The following NKAIN4 variants were observed in gnomAD, a reference collection of about 807,000 sequenced individuals.
NKAIN4 encodes the protein sodium/potassium transporting ATPase interacting 4, also known as sodium/potassium-transporting ATPase subunit beta-1-interacting protein 4.
In NKAIN4, 28 loss-of-function variants were observed where a neutral mutation model predicts 28.8. The ratio of observed to expected loss-of-function variants is 0.97; its 90% CI spans 0.72 to 1.33. NKAIN4 has a LOEUF of 1.33. Among genes scored for constraint, NKAIN4 ranks in the 40% most tolerant of loss-of-function variants. NKAIN4 has a pLI of 0.00. For missense variants in NKAIN4, 289 were observed against 277.2 expected, an observed-to-expected ratio of 1.04 and a Z score of -0.30; for synonymous variants, 122 against 115.6, an observed-to-expected ratio of 1.06 and a Z score of -0.36.
chr20:63,241,861 G>C (rs1481566491), intron 6 of NKAIN4: 7 of 418,972 alleles, frequency 1.7e-5, no homozygotes, highest in Admixed American at 7.0e-5. Context: ...CTCTGACATG[G>C]GAGCTGGGCT....
intron 1 of NKAIN4, chr20:63,253,324 C>G: frequency 3.0e-6 from 3 of 985,376 alleles, no homozygotes; most frequent in Non-Finnish European, 3.6e-6. Flanking sequence ...AGGAAAGCGC[C>G]GGAAGCTCCT....
chr20:63,248,565 G>A (rs1358400870), intron 3 of NKAIN4: 1 of 464,928 alleles, frequency 2.2e-6, no homozygotes, highest in Non-Finnish European at 4.0e-6. Flanking sequence ...CTCTTCCCCA[G>A]CTGGAGCCCC....
chr20:63,241,864 G>A (rs2066758139), intron 6 of NKAIN4: 2 of 416,000 alleles, frequency 4.8e-6, no homozygotes, highest in East Asian at 1.2e-4. Flanking sequence ...TGACATGGGA[G>A]CTGGGCTCCT....
Position 63,241,075 on chromosome 20 carries a change from C to A in NKAIN4, c.*422G>T. On this transcript the variant is annotated 3_prime_UTR_variant, in exon 7 of 7. Coordinates refer to ENST00000370316, the MANE Select transcript of NKAIN4 (RefSeq NM_152864.4). ...ACCGCTTGAGGGGTCTCGGGCCTCACATTGACTTCCTGGGGAGGCTGCATC... is the reference window on the plus strand; with the variant it reads ...ACCGCTTGAGGGGTCTCGGGCCTCAAATTGACTTCCTGGGGAGGCTGCATC... 1 of 208,020 alleles carries A rather than the reference C, an allele frequency of 4.8e-6. No individual in the cohort carries two copies. The highest frequency in any genetic ancestry group is 7.0e-5 in the South Asian group (1 of 14,276). The allele number at this position is 208,020 out of a possible 1,614,324, so 12.9% of individuals were successfully genotyped here.
rs2123050258 is a variant in NKAIN4 at position 63,242,545 on chromosome 20, A to G, written c.611T>C (p.Val204Ala). Reference sequence around the variant, plus strand: ...TTCTGCCAGCCATACTTACAAGTACACCTGCTTGGACAAGAGACTGGATGG... The same window carrying G: ...TTCTGCCAGCCATACTTACAAGTACGCCTGCTTGGACAAGAGACTGGATGG... ...EKPSSLLSKQ[V>A]YLPA Residue 204 changes from valine (V) to alanine (A), a missense_variant, in exon 6 of 7, where the codon GTG becomes GCG. Transcript: ENST00000370316. 1 of 1,611,174 alleles carries G rather than the reference A, an allele frequency of 6.2e-7. No individual in the cohort carries two copies.
chr20:63,253,383 C>T (rs949819648), intron 1 of NKAIN4: 21 of 985,278 alleles, frequency 2.1e-5, no homozygotes, highest in Non-Finnish European at 2.0e-5. Context: ...TAGGTCCGCC[C>T]GCAAGCCTGT....
chr20:63,254,150 C>T (rs1432110531), intron 1 of NKAIN4: 2 of 427,554 alleles, frequency 4.7e-6, no homozygotes, highest in South Asian at 3.5e-5. Flanking sequence ...CTGTCCCCGC[C>T]GCTCCGGACC....
At chr20:63,251,519 C>T (rs879706267) in intron 1 of NKAIN4, among the ~76,000 whole-genome samples, 1 of 152,178 alleles carries the variant, frequency 6.6e-6, no homozygotes, top group Non-Finnish European at 1.5e-5. Flanking sequence ...TGGCAACGGG[C>T]GTCTTCCCAG....
rs2066979016 is a variant in NKAIN4 at position 63,252,495 on chromosome 20, C to T, written c.54+1902G>A. 6.6e-6 allele frequency among the ~76,000 whole-genome samples: 1 copy of T among 152,130 alleles called. No individual in the cohort carries two copies. The highest frequency in any genetic ancestry group is 1.5e-5 in the Non-Finnish European group (1 of 67,998). ...AAAAGGGGCTATCCAACAACCCCGC[C>T]CTTCCTCCCGGGCCCCCTACCCCCA... On this transcript the variant is annotated intron_variant, in intron 1 of 6. Coordinates refer to ENST00000370316, the MANE Select transcript of NKAIN4 (RefSeq NM_152864.4). This position sits in a 1 kb window ranked among gnomAD's most constrained non-coding sequence, Gnocchi z 4.6.
chr20:63,247,217 G>A, intron 4 of NKAIN4: 1 of 1,192,886 alleles, frequency 8.4e-7, no homozygotes, highest in Non-Finnish European at 1.1e-6. Flanking sequence ...GACACGCATG[G>A]ATGGGTTTGT....
chr20:63,248,887 C>A lies in NKAIN4; in HGVS notation c.201G>T (p.Leu67=). 6.2e-7 allele frequency: 1 copy of A among 1,611,954 alleles called. No homozygotes were observed. The highest frequency in any genetic ancestry group is 8.5e-7 in the Non-Finnish European group (1 of 1,179,174). Residue 67 remains leucine, a synonymous_variant, in exon 3 of 7, where the codon CTG becomes CTT. Transcript: ENST00000370316. ...YRLRYVMVYT[L]WAAVWVTWNV... is the part of the protein sequence containing the mutation. The stretch of plus-strand genomic sequence containing the variant: ...TCCAGGTGACCCAGACGGCTGCCCA[C>A]AGCGTGTACTAGGGAGAGGAGAGGA...
chr20:63,247,085 C>T, intron 4 of NKAIN4: 1 of 1,032,090 alleles, frequency 9.7e-7, no homozygotes, highest in Non-Finnish European at 1.2e-6. Context: ...GTGGCGCCAG[C>T]CTTGCCAGAT....
intron 5 of NKAIN4, 22 bp downstream of exon 5, chr20:63,244,002 C>A (rs927093226): frequency 8.1e-6 from 13 of 1,605,340 alleles, no homozygotes; most frequent in African/African-American, 1.3e-5. Flanking sequence ...CGCCCCACTG[C>A]CTGCAGAGGC....
chr20:63,246,101 T>C (rs1174574880), intron 4 of NKAIN4, among the ~76,000 whole-genome samples: 1 of 152,170 alleles, frequency 6.6e-6, no homozygotes, highest in Non-Finnish European at 1.5e-5. Flanking sequence ...CTAATTGTTT[T>C]GTATTTTTAG....
upstream of NKAIN4, chr20:63,254,484 C>G (rs907116136): frequency 8.5e-6 from 11 of 1,287,342 alleles, no homozygotes; most frequent in Non-Finnish European, 1.1e-5. Context: ...CCCGGGTGCC[C>G]CGCGCTCGGC....
chr20:63,244,860 C>T (rs930127926), intron 4 of NKAIN4, among the ~76,000 whole-genome samples: 7 of 152,182 alleles, frequency 4.6e-5, no homozygotes, highest in Admixed American at 1.3e-4. Flanking sequence ...CCGAGGGAGG[C>T]GGCAGTGGGT....
rs1601307332 is a variant in NKAIN4, at chr20:63,254,408, C to T, written c.43G>A (p.Ala15Thr). 3 of 1,449,398 alleles carry T rather than the reference C, an allele frequency of 2.1e-6. No individual in the cohort carries two copies. The highest frequency in any genetic ancestry group is 2.7e-6 in the Non-Finnish European group (3 of 1,102,472). The allele number at this position is 1,449,398 out of a possible 1,614,324, so 89.8% of individuals were successfully genotyped here. Residue 15 changes from alanine to threonine, a missense_variant, in exon 1 of 7, where the codon GCT (alanine) becomes ACT (threonine). Coordinates refer to ENST00000370316, the MANE Select transcript of NKAIN4 (RefSeq NM_152864.4). ...SGRCALVVLC[A>T]FQLVAALERQ... ...GGGTCGCCACTCACCAGCTGAAAAG[C>T]GCAGAGGACGACGAGCGCGCAGCGG...
In NKAIN4 at chr20:63,252,480, A is replaced by T. The variant is rs544773269; in HGVS notation, c.54+1917T>A. ...CACTTGTCAAAAAAAAAAAGGGGCTATCCAACAACCCCGCCCTTCCTCCCG... is the reference window on the plus strand; with the variant it reads ...CACTTGTCAAAAAAAAAAAGGGGCTTTCCAACAACCCCGCCCTTCCTCCCG... On this transcript the variant is annotated intron_variant, in intron 1 of 6. Transcript: ENST00000370316. This position sits in a 1 kb window ranked among gnomAD's most constrained non-coding sequence, Gnocchi z 4.6. Among the ~76,000 whole-genome samples, 4 of 151,626 alleles carry T rather than the reference A, an allele frequency of 2.6e-5. No individual in the cohort carries two copies. In the South Asian group the frequency reaches 8.3e-4, roughly 32 times the overall value.
At chr20:63,249,424 A>G (rs1296889816) in intron 2 of NKAIN4, among the ~76,000 whole-genome samples, 1 of 152,252 alleles carries the variant, frequency 6.6e-6, no homozygotes, top group African/African-American at 2.4e-5. Flanking sequence ...CCTTTACAGG[A>G]AAAGTCAGCT....
Sources: allele counts gnomAD v4.1 joint callset (sites outside exome capture counted in the v4.1 genomes callset), GRCh38; gene constraint gnomAD v4.1.1; non-coding constraint Gnocchi (gnomAD v3.1); transcripts MANE v1.5; gene names NCBI Gene and HGNC (gene_info 2026-07-23, HGNC 2026-07-21).